Variants in NPSR1 observed in about 807,000 individuals in gnomAD.
NPSR1 encodes the protein neuropeptide S receptor.
NPSR1 carries 48 observed loss-of-function variants against 46.9 expected under a neutral mutation model. That is an observed-to-expected ratio of 1.02 (90% CI 0.81 to 1.30). The LOEUF (loss-of-function observed/expected upper bound fraction) is 1.30, where lower values mean the gene tolerates loss of function less well. NPSR1 is among the 50% of genes most tolerant of loss of function. The probability of loss-of-function intolerance (pLI) is 0.00; values close to 1 mark genes in which losing one functional copy is unlikely to be tolerated. For missense variants in NPSR1, 450 were observed against 449.5 expected (o/e 1.00, Z -0.01); for synonymous variants, 176 against 168.1 (o/e 1.05, Z -0.36).
At chr7:34,806,614 G>C (rs551493873) in intron 3 of NPSR1, among the ~76,000 whole-genome samples, 1 of 152,026 alleles carries the variant, frequency 6.6e-6, no homozygotes, top group East Asian at 1.9e-4. Flanking sequence ...AAAACCCATA[G>C]AACTGTCCAA....
At chr7:34,854,433 A>G (rs1241952095), downstream of NPSR1, among the ~76,000 whole-genome samples, 1 of 152,204 alleles carries the variant, frequency 6.6e-6, no homozygotes, top group African/African-American at 2.4e-5. Context: ...CCTAAAACAC[A>G]AGGATACAGA....
chr7:34,686,977 A>G (rs868347962), intron 2 of NPSR1, among the ~76,000 whole-genome samples: 4 of 151,300 alleles, frequency 2.6e-5, no homozygotes, highest in Admixed American at 6.6e-5. Context: ...AAAAAAAAAA[A>G]AAAAGAAATG....
intron 2 of NPSR1, among the ~76,000 whole-genome samples, chr7:34,754,159 C>A (rs779978473): frequency 1.3e-5 from 2 of 152,070 alleles, no homozygotes; most frequent in Admixed American, 6.6e-5. Context: ...AGGTCTACAC[C>A]CCCTTTGTAG....
At chr7:34,717,986 C>T (rs184289908) in intron 2 of NPSR1, among the ~76,000 whole-genome samples, 1 of 152,272 alleles carries the variant, frequency 6.6e-6, no homozygotes, top group East Asian at 1.9e-4. Context: ...AATAGATGGG[C>T]AAATCCAACT....
chr7:34,786,774 G>A (rs137961713), intron 3 of NPSR1, among the ~76,000 whole-genome samples: 232 of 152,260 alleles, frequency 1.5e-3, no homozygotes, highest in Middle Eastern at 3.4e-3. Flanking sequence ...CACTGTCAAT[G>A]AGCAGTGATA....
intron 4 of NPSR1, among the ~76,000 whole-genome samples, chr7:34,812,401 A>G (rs1789030459): frequency 2.0e-5 from 3 of 152,208 alleles, no homozygotes; most frequent in Admixed American, 2.0e-4. Context: ...GATGGGTCAG[A>G]GGGAAGGCTG....
At chr7:34,875,823 C>A (rs1400918978) in intron 8 of NPSR1, among the ~76,000 whole-genome samples, 2 of 152,014 alleles carry the variant, frequency 1.3e-5, no homozygotes, top group African/African-American at 4.8e-5. Context: ...ATGGCAGAAA[C>A]TAGTCAAATG....
rs778439627 is a variant in NPSR1 at position 34,658,383 on chromosome 7, A to G, written c.-30A>G. On this transcript the variant is annotated 5_prime_UTR_variant, in exon 1 of 9. Transcript: ENST00000360581. Reference sequence around the variant, plus strand: ...ACTCCCTCACTCAGCTGCAGGAGCAAGGACAGTGAGGCTCAACCCCGCCTG... The same window carrying G: ...ACTCCCTCACTCAGCTGCAGGAGCAGGGACAGTGAGGCTCAACCCCGCCTG... 2 of 1,611,750 alleles carry G rather than the reference A, an allele frequency of 1.2e-6. No homozygotes were observed. Among genetic ancestry groups the G allele is most frequent in the South Asian group, 1.1e-5 (1 of 90,882 alleles).
At chr7:34,872,739 C>T (rs191870092) in intron 8 of NPSR1, among the ~76,000 whole-genome samples, 35 of 151,872 alleles carry the variant, frequency 2.3e-4, no homozygotes, top group Admixed American at 1.6e-3. Flanking sequence ...TCTCATGAGA[C>T]TTATTCACTA....
chr7:34,778,342 A>G, intron 2 of NPSR1, 120 bp from the exon 3 acceptor site: 2 of 574,448 alleles, frequency 3.5e-6, no homozygotes, highest in Non-Finnish European at 6.0e-6. Context: ...ATAAAGCAGG[A>G]AGGAAAAAAA....
chr7:34,813,520 C>T (rs1789095040), intron 4 of NPSR1, among the ~76,000 whole-genome samples: 1 of 152,142 alleles, frequency 6.6e-6, no homozygotes, highest in Admixed American at 6.5e-5. Flanking sequence ...TAATATGCAT[C>T]AACATGAACA....
chr7:34,802,080 G>A (rs988484562), intron 3 of NPSR1, among the ~76,000 whole-genome samples: 4 of 149,570 alleles, frequency 2.7e-5, no homozygotes, highest in African/African-American at 1.0e-4. Context: ...ACAAAGAAAT[G>A]GAAGAACATT....
intron 2 of NPSR1, among the ~76,000 whole-genome samples, chr7:34,764,795 T>A (rs1297796518): frequency 1.3e-5 from 2 of 152,042 alleles, no homozygotes; most frequent in African/African-American, 4.8e-5. Flanking sequence ...GCAACACCCA[T>A]CACAGATACA....
At chr7:34,777,130 A>G (rs1787000453) in intron 2 of NPSR1, among the ~76,000 whole-genome samples, 1 of 152,136 alleles carries the variant, frequency 6.6e-6, no homozygotes, top group African/African-American at 2.4e-5. Context: ...CTCTGGGCCC[A>G]GTTCAGAACT....
intron 8 of NPSR1, among the ~76,000 whole-genome samples, chr7:34,867,418 A>G (rs150005985): frequency 6.6e-6 from 1 of 151,924 alleles, no homozygotes; most frequent in East Asian, 1.9e-4. Context: ...TCTTCAGTAA[A>G]GGCTTGAGGC....
At chr7:34,822,623 T>C (rs1789612971) in intron 4 of NPSR1, among the ~76,000 whole-genome samples, 1 of 152,212 alleles carries the variant, frequency 6.6e-6, no homozygotes, top group African/African-American at 2.4e-5. Flanking sequence ...GGAACCAGAA[T>C]AACACATATA....
chr7:34,753,996 C>T (rs1161443939), intron 2 of NPSR1, among the ~76,000 whole-genome samples: 2 of 152,038 alleles, frequency 1.3e-5, no homozygotes, highest in Non-Finnish European at 2.9e-5. Flanking sequence ...GATGTCAGAC[C>T]AGCACTAGAA....
chr7:34,689,088 C>A (rs1793088286), intron 2 of NPSR1, among the ~76,000 whole-genome samples: 1 of 152,162 alleles, frequency 6.6e-6, no homozygotes, highest in African/African-American at 2.4e-5. Flanking sequence ...ATTGGGAGAA[C>A]TGTAGGAGAG....
At chr7:34,766,842 G>A (rs1377903688) in intron 2 of NPSR1, among the ~76,000 whole-genome samples, 2 of 152,142 alleles carry the variant, frequency 1.3e-5, no homozygotes, top group South Asian at 2.1e-4. Flanking sequence ...CAAAGTGCTG[G>A]GATTACAGGT....
Sources: gnomAD v4.1 joint callset for allele counts (sites outside exome capture counted in the v4.1 genomes callset) on GRCh38, gnomAD v4.1.1 for gene constraint, MANE v1.5 for transcripts, NCBI Gene and HGNC (gene_info 2026-07-23, HGNC 2026-07-21) for gene names.